The following PRMT8 variants were observed in gnomAD, a reference collection of about 807,000 sequenced individuals.
PRMT8 encodes the protein protein arginine methyltransferase 8.
PRMT8 carries 7 observed loss-of-function variants against 47.1 expected under a neutral mutation model. The ratio of observed to expected loss-of-function variants is 0.15; its 90% CI spans 0.08 to 0.28. The LOEUF (loss-of-function observed/expected upper bound fraction) is 0.28. Ranked by LOEUF, PRMT8 falls within the 10% of genes least tolerant of loss-of-function variation. PRMT8 has a pLI of 1.00. For missense variants in PRMT8, 237 were observed against 505.4 expected, an observed-to-expected ratio of 0.47 and a Z score of 5.09; for synonymous variants, 188 against 186.5, an observed-to-expected ratio of 1.01 and a Z score of -0.07.
intron 1 of PRMT8, among the ~76,000 whole-genome samples, chr12:3,472,721 A>G (rs978262726): frequency 3.9e-5 from 6 of 152,208 alleles, no homozygotes; most frequent in Admixed American, 3.3e-4. Context: ...TGCAGGGTGC[A>G]TGGAGAAGCC....
At chr12:3,534,898 C>T (rs778138120) in intron 1 of PRMT8, among the ~76,000 whole-genome samples, 24 of 152,192 alleles carry the variant, frequency 1.6e-4, no homozygotes, top group Non-Finnish European at 2.9e-4. Context: ...ATCTCTGGGC[C>T]CTGGCAAATG....
chr12:3,505,699 AGC>A (rs1267242513), intron 1 of PRMT8, among the ~76,000 whole-genome samples: 2 of 152,238 alleles, frequency 1.3e-5, no homozygotes, highest in Non-Finnish European at 2.9e-5. Context: ...TAAGTAGCAG[AGC>A]TGGAATGCTC....
rs550382762 is a variant in PRMT8 at position 3,570,146 on chromosome 12, G to C, written c.712+582G>C. ...GCATGTGTGCATGAGGCAGGGGCTC[G>C]TATCTAAACATGTATTCTTAATGCC... On this transcript the variant is annotated intron_variant, in intron 6 of 9. Transcript: ENST00000382622. The surrounding 1 kb of genome is among the most constrained non-coding windows in gnomAD (Gnocchi z 5.5). 6.6e-6 allele frequency among the ~76,000 whole-genome samples: 1 copy of C among 152,076 alleles called. No homozygotes were observed. The highest frequency in any genetic ancestry group is 1.5e-5 in the Non-Finnish European group (1 of 68,008).
At chr12:3,419,727 T>C (rs1042249429) in intron 1 of PRMT8, among the ~76,000 whole-genome samples, 4 of 151,996 alleles carry the variant, frequency 2.6e-5, no homozygotes, top group Non-Finnish European at 5.9e-5. Context: ...CCTAATCAGA[T>C]CACTCTCCTG....
intron 2 of PRMT8, among the ~76,000 whole-genome samples, chr12:3,549,661 T>C (rs1866383680): frequency 6.6e-6 from 1 of 152,240 alleles, no homozygotes; most frequent in African/African-American, 2.4e-5. Flanking sequence ...CCTTTGGTCC[T>C]TTAGTAAATC....
rs1195952902 is a variant in PRMT8 at position 3,572,903 on chromosome 12, A to T, written c.712+3339A>T. On this transcript the variant is annotated intron_variant, in intron 6 of 9. Transcript: ENST00000382622. The surrounding 1 kb of genome is among the most constrained non-coding windows in gnomAD (Gnocchi z 5.9). ...CTGGTACTTAATTTTCTTTCCTCAG[A>T]CTGTTTTTGAGATTTCTGTCTTTAT... 6.6e-6 allele frequency among the ~76,000 whole-genome samples: 1 copy of T among 151,962 alleles called. No individual in the cohort carries two copies. The highest frequency in any genetic ancestry group is 2.4e-5 in the African/African-American group (1 of 41,368).
At chr12:3,412,542 A>G (rs150695851) in intron 1 of PRMT8, among the ~76,000 whole-genome samples, 149 of 152,368 alleles carry the variant, frequency 9.8e-4, no homozygotes, top group African/African-American at 3.1e-3. Context: ...AGCTTAAAGC[A>G]CACATTGTAC....
upstream of PRMT8, among the ~76,000 whole-genome samples, chr12:3,486,220 C>A (rs545799542): frequency 3.3e-4 from 50 of 152,248 alleles, no homozygotes; most frequent in Non-Finnish European, 6.5e-4. Flanking sequence ...CCTCCAGGGT[C>A]TCCCGGTCCA....
chr12:3,493,337 C>T lies in PRMT8; in HGVS notation c.75+1637C>T. On this transcript the variant is annotated intron_variant, in intron 1 of 9. Coordinates refer to ENST00000382622, the MANE Select transcript of PRMT8 (RefSeq NM_019854.5). The surrounding 1 kb of genome is among the most constrained non-coding windows in gnomAD (Gnocchi z 8.2). ...CACCCTCCGCCCTCTGATCGCCCACCCGCCGAAAGGGTTTCTAAAAATAGC... is the reference window on the plus strand; with the variant it reads ...CACCCTCCGCCCTCTGATCGCCCACTCGCCGAAAGGGTTTCTAAAAATAGC... Among the ~76,000 whole-genome samples, 1 of 152,180 alleles carries T rather than the reference C, an allele frequency of 6.6e-6. No homozygotes were observed. The highest frequency in any genetic ancestry group is 1.5e-5 in the Non-Finnish European group (1 of 68,036).
At chr12:3,482,111 A>G (rs1865280122) in intron 1 of PRMT8, among the ~76,000 whole-genome samples, 3 of 152,342 alleles carry the variant, frequency 2.0e-5, no homozygotes, top group Admixed American at 2.0e-4. Context: ...CCCTCCAGTC[A>G]CAAACTCTGA....
In PRMT8 at chr12:3,453,148, C is replaced by T. The variant is rs537360672; in HGVS notation, c.48+71706C>T. On this transcript the variant is annotated intron_variant, in intron 1 of 9. Transcript: ENST00000452611. This position sits in a 1 kb window ranked among gnomAD's most constrained non-coding sequence, Gnocchi z 4.9. ...GAGGAGAGGGGTCAGTCCGGGAGACCGTCCTGAAGAGTGGCCTGTGATGGA... is the reference window on the plus strand; with the variant it reads ...GAGGAGAGGGGTCAGTCCGGGAGACTGTCCTGAAGAGTGGCCTGTGATGGA... 3.9e-5 allele frequency among the ~76,000 whole-genome samples: 6 copies of T among 152,072 alleles called. No individual in the cohort carries two copies. The highest frequency in any genetic ancestry group is 2.1e-4 in the South Asian group (1 of 4,824).
In PRMT8 at chr12:3,409,806, G is replaced by T. The variant is rs917508951; in HGVS notation, c.48+28364G>T. Among the ~76,000 whole-genome samples the T allele has an allele frequency of 6.6e-6, 1 of 152,154 alleles. No individual in the cohort carries two copies. Among genetic ancestry groups the T allele is most frequent in the African/African-American group, 2.4e-5 (1 of 41,434 alleles). On this transcript the variant is annotated intron_variant, in intron 1 of 9. Coordinates refer to the PRMT8 transcript ENST00000452611. The surrounding 1 kb of genome is among the most constrained non-coding windows in gnomAD (Gnocchi z 4.4). ...GTTGTGACTGCTCTGGGTAGCTAAG[G>T]CAGGGATTCCCTGGGAATCCACAGT... is the stretch of plus-strand genomic sequence containing the variant.
At chr12:3,390,578 C>T (rs1285508443) in intron 1 of PRMT8, among the ~76,000 whole-genome samples, 3 of 152,154 alleles carry the variant, frequency 2.0e-5, no homozygotes, top group Non-Finnish European at 4.4e-5. Flanking sequence ...GATTCCTGTT[C>T]TGCACAGGAA....
At chr12:3,553,768 A>C in intron 4 of PRMT8, 54 bp downstream of exon 4, 13 of 1,482,464 alleles carry the variant, frequency 8.8e-6, no homozygotes, top group Non-Finnish European at 1.2e-5. Flanking sequence ...GGAAGCTCAC[A>C]CTTTCTTGTT....
intron 1 of PRMT8, among the ~76,000 whole-genome samples, chr12:3,450,142 A>G (rs947880167): frequency 2.0e-5 from 3 of 152,232 alleles, no homozygotes; most frequent in Non-Finnish European, 2.9e-5. Context: ...GCTTTTAAAG[A>G]TAATAATAGT....
At chr12:3,524,781 T>C (rs1591584421) in intron 1 of PRMT8, among the ~76,000 whole-genome samples, 1 of 152,124 alleles carries the variant, frequency 6.6e-6, no homozygotes, top group African/African-American at 2.4e-5. Context: ...AATTGCTTGT[T>C]AAAACTGTGC....
At chr12:3,510,955 G>A (rs111913428) in intron 1 of PRMT8, among the ~76,000 whole-genome samples, 7 of 152,258 alleles carry the variant, frequency 4.6e-5, no homozygotes, top group African/African-American at 1.4e-4. Flanking sequence ...CAAGAATCAA[G>A]AGCCAGAACC....
chr12:3,450,622 T>G (rs147095991), intron 1 of PRMT8, among the ~76,000 whole-genome samples: 76 of 152,338 alleles, frequency 5.0e-4, no homozygotes, highest in African/African-American at 1.8e-3. Flanking sequence ...CATAAATTGT[T>G]AATTCAAGTA....
intron 1 of PRMT8, among the ~76,000 whole-genome samples, chr12:3,446,900 C>T (rs1282718934): frequency 6.6e-6 from 1 of 152,212 alleles, no homozygotes; most frequent in Non-Finnish European, 1.5e-5. Flanking sequence ...CCAAAATAAA[C>T]ATTCAACCAC....
Sources: gnomAD v4.1 joint callset for allele counts (sites outside exome capture counted in the v4.1 genomes callset) on GRCh38, gnomAD v4.1.1 for gene constraint, Gnocchi (gnomAD v3.1) non-coding constraint, MANE v1.5 for transcripts, NCBI Gene and HGNC (gene_info 2026-07-23, HGNC 2026-07-21) for gene names.